ANK1: variants seen among roughly 807,000 people sequenced by gnomAD.
ANK1 encodes the protein ankyrin-1.
ANK1 carries 51 observed loss-of-function variants against 210.4 expected under a neutral mutation model. The observed-to-expected ratio is 0.24, with a 90% CI of 0.19 to 0.31. The LOEUF is 0.31. Among genes scored for constraint, ANK1 ranks in the 10% least tolerant of loss-of-function variants. The probability of loss-of-function intolerance (pLI) is 1.00; values close to 1 mark genes in which losing one functional copy is unlikely to be tolerated. For missense variants in ANK1, 2,051 were observed against 2,504.4 expected, an observed-to-expected ratio of 0.82 and a Z score of 3.86; for synonymous variants, 967 against 1,025.9, an observed-to-expected ratio of 0.94 and a Z score of 1.10.
At chr8:41,801,174 C>T (rs1382789218), upstream of ANK1, among the ~76,000 whole-genome samples, 1 of 151,958 alleles carries the variant, frequency 6.6e-6, no homozygotes, top group African/African-American at 2.4e-5. Flanking sequence ...GCAGTGACCC[C>T]ATCACGATTC....
upstream of ANK1, among the ~76,000 whole-genome samples, chr8:41,798,304 T>C (rs564097649): frequency 6.6e-6 from 1 of 152,292 alleles, no homozygotes; most frequent in Non-Finnish European, 1.5e-5. Context: ...TGCTGCTTAG[T>C]GGCCGATTTG....
intron 37 of ANK1, among the ~76,000 whole-genome samples, chr8:41,684,074 G>A (rs1275940978): frequency 6.6e-6 from 1 of 152,242 alleles, no homozygotes; most frequent in East Asian, 1.9e-4. Context: ...CAGTTAAACT[G>A]CACTAGACCT....
Position 41,655,225 on chromosome 8 carries a change from A to T in ANK1, c.*565T>A, listed in dbSNP as rs1353927408. On this transcript the variant is annotated 3_prime_UTR_variant, in exon 43 of 43. Transcript: ENST00000289734. ...CGAGGGGGTGTCACAAGTGGAATGGAGGTATGTGGGTTGGGGAGGGTGGGC... is the reference window on the plus strand; with the variant it reads ...CGAGGGGGTGTCACAAGTGGAATGGTGGTATGTGGGTTGGGGAGGGTGGGC... The T allele has an allele frequency of 7.3e-6, 1 of 137,556 alleles. No homozygotes were observed. The highest frequency in any genetic ancestry group is 2.9e-5 in the African/African-American group (1 of 35,034). 8.5% of individuals were successfully genotyped at this position (137,556 alleles called of 1,614,324 possible). A position where few individuals can be genotyped will look rare whatever the true frequency, so the allele number is the denominator to read the frequency against.
At chr8:41,657,054 C>T (rs1002006605) in intron 42 of ANK1, among the ~76,000 whole-genome samples, 2 of 152,154 alleles carry the variant, frequency 1.3e-5, no homozygotes, top group Admixed American at 6.5e-5. Context: ...TCAAGGCTGC[C>T]TTCCATTCTC....
intron 1 of ANK1, among the ~76,000 whole-genome samples, chr8:41,877,338 CTGATGG>C (rs1008585142): frequency 6.6e-6 from 1 of 152,244 alleles, no homozygotes; most frequent in African/African-American, 2.4e-5. Context: ...CAGCAGGCTG[CTGATGG>C]TGGGAGATGT....
intron 5 of ANK1, among the ~76,000 whole-genome samples, chr8:41,726,971 G>A (rs1009056075): frequency 3.3e-5 from 5 of 152,124 alleles, no homozygotes; most frequent in African/African-American, 7.2e-5. Flanking sequence ...TGCATGCTTC[G>A]CCTGCCCCCT....
intron 15 of ANK1, 149 bp from the exon 16 acceptor site, chr8:41,714,403 A>C: frequency 3.3e-6 from 2 of 600,306 alleles, no homozygotes; most frequent in Non-Finnish European, 5.4e-6. Context: ...TCATGACAGA[A>C]TGTCATCGGC....
chr8:41,791,489 A>C (rs1847708510), intron 1 of ANK1, among the ~76,000 whole-genome samples: 1 of 139,518 alleles, frequency 7.2e-6, no homozygotes, highest in Non-Finnish European at 1.5e-5. Flanking sequence ...TCTCCAGGCT[A>C]GAGTGCAGCT....
chr8:41,693,810 T>G, intron 29 of ANK1, 88 bp downstream of exon 29: 7 of 1,436,788 alleles, frequency 4.9e-6, no homozygotes, highest in Non-Finnish European at 6.7e-6. Flanking sequence ...AGGGGATTGC[T>G]GGCCTCGCCT....
chr8:41,668,524 G>A lies in ANK1; in HGVS notation c.5137C>T (p.Leu1713=). ...WDADGSIVSY[L]QDAAQGSWQE... is the part of the protein sequence containing the mutation. ...CAGGAACCTTGTGCAGCATCTTGCA[G>A]GTATGAGACAATCGAGCCGTCTGCA... Residue 1713 remains leucine, a synonymous_variant, in exon 39 of 43, where the codon CTG becomes TTG. Transcript: ENST00000289734. 1 of 1,614,130 alleles carries A rather than the reference G, an allele frequency of 6.2e-7. No homozygotes were observed. Among genetic ancestry groups the A allele is most frequent in the South Asian group, 1.1e-5 (1 of 91,084 alleles).
chr8:41,809,290 T>C (rs989228784), intron 1 of ANK1, among the ~76,000 whole-genome samples: 2 of 152,254 alleles, frequency 1.3e-5, no homozygotes, highest in Non-Finnish European at 2.9e-5. Context: ...ACACTACATC[T>C]ACACCAAATG....
At chr8:41,684,394 G>A (rs1817055040) in intron 37 of ANK1, 150 bp downstream of exon 37, 5 of 1,285,572 alleles carry the variant, frequency 3.9e-6, no homozygotes, top group African/African-American at 1.5e-5. Context: ...CCCCGGAAAG[G>A]AGGAACTTGT....
intron 42 of ANK1, 97 bp downstream of exon 42, chr8:41,661,333 T>A (rs1337320197): frequency 2.4e-5 from 37 of 1,521,930 alleles, no homozygotes; most frequent in Non-Finnish European, 3.0e-5. Flanking sequence ...TTGTCCCACA[T>A]CATGCTGGGG....
chr8:41,817,243 TG>T (rs1242707229), intron 1 of ANK1, among the ~76,000 whole-genome samples: 1 of 152,182 alleles, frequency 6.6e-6, no homozygotes, highest in Non-Finnish European at 1.5e-5. Context: ...GAAGGAGTTT[TG>T]GGGGGCACAT....
intron 1 of ANK1, among the ~76,000 whole-genome samples, chr8:41,822,139 A>G (rs1176088087): frequency 5.4e-5 from 2 of 36,726 alleles, no homozygotes; most frequent in Non-Finnish European, 1.4e-4. Flanking sequence ...AAAGAGAAAG[A>G]AAGAAAGAAA....
At chr8:41,733,875 C>T in intron 3 of ANK1, 96 bp downstream of exon 3, 1 of 980,052 alleles carries the variant, frequency 1.0e-6, no homozygotes, top group Non-Finnish European at 1.7e-6. Flanking sequence ...AATTCAGATG[C>T]ATGCCTGAGT....
chr8:41,772,719 CTGCCCT>C (rs1476835220), intron 1 of ANK1, among the ~76,000 whole-genome samples: 1 of 152,252 alleles, frequency 6.6e-6, no homozygotes, highest in Admixed American at 6.5e-5. Flanking sequence ...CTGTCCGCAG[CTGCCCT>C]TGCAGTGTCC....
At chr8:41,896,516 C>A (rs1429721631) in exon 1 of ANK1, 2 of 1,565,936 alleles carry the variant, frequency 1.3e-6, no homozygotes, top group Non-Finnish European at 8.6e-7. Flanking sequence ...GCCTCCTGGA[C>A]CCCTAGCGCT....
chr8:41,764,444 A>C (rs1841286223), intron 1 of ANK1, among the ~76,000 whole-genome samples: 1 of 152,206 alleles, frequency 6.6e-6, no homozygotes, highest in African/African-American at 2.4e-5. Context: ...ATACTGACCC[A>C]AAAAACAACA....
Sources: gnomAD v4.1 joint callset for allele counts (sites outside exome capture counted in the v4.1 genomes callset) on GRCh38, gnomAD v4.1.1 for gene constraint, MANE v1.5 for transcripts, NCBI Gene and HGNC (gene_info 2026-07-23, HGNC 2026-07-21) for gene names.